Variants in KLHL29 observed in about 807,000 individuals in gnomAD.
The protein encoded by KLHL29 is kelch like family member 29.
In KLHL29, 21 loss-of-function variants were observed where a neutral mutation model predicts 80.4. That is an observed-to-expected ratio of 0.26 (90% CI 0.19 to 0.38). KLHL29 has a LOEUF of 0.38. Ranked by LOEUF, KLHL29 falls within the 10% of genes least tolerant of loss-of-function variation. The pLI is 1.00. For synonymous variants in KLHL29, 511 were observed against 526.8 expected (o/e 0.97, Z 0.41); for missense variants, 867 against 1,223.9 (o/e 0.71, Z 4.35).
At chr2:23,506,418 A>G (rs1265242272) in intron 2 of KLHL29, among the ~76,000 whole-genome samples, 1 of 152,168 alleles carries the variant, frequency 6.6e-6, no homozygotes, top group Non-Finnish European at 1.5e-5. Context: ...GCCACTGGGG[A>G]GAGAATCTCT....
intron 4 of KLHL29, among the ~76,000 whole-genome samples, chr2:23,639,563 T>A (rs1669709241): frequency 6.6e-6 from 1 of 152,180 alleles, no homozygotes; most frequent in African/African-American, 2.4e-5. Flanking sequence ...GAATCATCAT[T>A]CCCAAACCTG....
At chr2:23,577,993 C>T (rs1667885993) in intron 3 of KLHL29, among the ~76,000 whole-genome samples, 3 of 152,142 alleles carry the variant, frequency 2.0e-5, no homozygotes, top group African/African-American at 4.8e-5. Flanking sequence ...TGACCATGGC[C>T]GACCTCGTGG....
intron 2 of KLHL29, among the ~76,000 whole-genome samples, chr2:23,480,447 A>T (rs542875864): frequency 5.9e-5 from 9 of 152,118 alleles, no homozygotes; most frequent in Non-Finnish European, 1.2e-4. Flanking sequence ...AGATCGCACC[A>T]CTGCACCACT....
At chr2:23,449,413 T>C (rs533935681) in intron 1 of KLHL29, among the ~76,000 whole-genome samples, 2 of 152,282 alleles carry the variant, frequency 1.3e-5, no homozygotes, top group East Asian at 3.9e-4. Flanking sequence ...TCGCCTAGTC[T>C]ATAGGTTGGC....
chr2:23,613,763 C>CAAAAAAAAA (rs1157736706), intron 3 of KLHL29, among the ~76,000 whole-genome samples: 1,580 of 63,626 alleles, frequency 0.025, 162 homozygotes, highest in Non-Finnish European at 0.028. Context: ...GACTCCATCT[C>CAAAAAAAAA]AAAAAAAAAA....
At chr2:23,458,973 G>T (rs1664137776) in intron 1 of KLHL29, among the ~76,000 whole-genome samples, 1 of 152,214 alleles carries the variant, frequency 6.6e-6, no homozygotes, top group Admixed American at 6.5e-5. Context: ...GAGCAAGCAA[G>T]GATTCAGGAG....
In KLHL29 at chr2:23,562,543, T is replaced by G; in HGVS notation, c.285+62T>G. 4 of 1,502,640 alleles carry G rather than the reference T, an allele frequency of 2.7e-6. No homozygotes were observed. The highest frequency in any genetic ancestry group is 3.6e-6 in the Non-Finnish European group (4 of 1,123,772). The allele number at this position is 1,502,640 out of a possible 1,614,324, so 93.1% of individuals were successfully genotyped here. A position where few individuals can be genotyped will look rare whatever the true frequency, so the allele number is the denominator to read the frequency against. On this transcript the variant is annotated intron_variant, in intron 3 of 13. Coordinates refer to ENST00000486442, the MANE Select transcript of KLHL29 (RefSeq NM_052920.2). This position sits in a 1 kb window ranked among gnomAD's most constrained non-coding sequence, Gnocchi z 4.5. ...AGAGGGGCCCTGCCTCCCTGCAGGC[T>G]CAGGCCAGCCCCACAGGCTCCTGTG...
chr2:23,561,339 A>G (rs1667441608), intron 2 of KLHL29, among the ~76,000 whole-genome samples: 1 of 152,204 alleles, frequency 6.6e-6, no homozygotes, highest in Non-Finnish European at 1.5e-5. Flanking sequence ...TCCAAGTATC[A>G]TGGTGTGTCC....
intron 11 of KLHL29, among the ~76,000 whole-genome samples, chr2:23,701,658 A>G (rs951394969): frequency 1.0e-5 from 1 of 97,566 alleles, no homozygotes; most frequent in Admixed American, 1.4e-4. Flanking sequence ...GGCTGCAGTG[A>G]GCCATAATCA....
chr2:23,635,401 C>T (rs1295638326), intron 3 of KLHL29, among the ~76,000 whole-genome samples: 1 of 152,302 alleles, frequency 6.6e-6, no homozygotes, highest in Non-Finnish European at 1.5e-5. Flanking sequence ...AGCTGGTTCC[C>T]CCCAAGCTGG....
In KLHL29 at chr2:23,562,158, GCT is replaced by G; in HGVS notation, c.-36_-35del. Reference sequence around the variant, plus strand: ...CTCCACCCTGTCACCACAGGTCCGGGCTCTGTTTCCCTGTGAGAAGCCGCCTC... The same window carrying G: ...CTCCACCCTGTCACCACAGGTCCGGGCTGTTTCCCTGTGAGAAGCCGCCTC... On this transcript the variant is annotated 5_prime_UTR_variant, in exon 3 of 14. Transcript: ENST00000486442. This position sits in a 1 kb window ranked among gnomAD's most constrained non-coding sequence, Gnocchi z 4.5. 6.5e-7 allele frequency: 1 copy of G among 1,548,430 alleles called. No individual in the cohort carries two copies. The highest frequency in any genetic ancestry group is 1.2e-5 in the South Asian group (1 of 84,012).
chr2:23,705,788 A>C (rs1672680655), intron 13 of KLHL29, among the ~76,000 whole-genome samples: 1 of 152,138 alleles, frequency 6.6e-6, no homozygotes, highest in Admixed American at 6.5e-5. Flanking sequence ...GGCTAGAAAC[A>C]AGGATGTGGA....
rs1665507079 is a variant in KLHL29 at position 23,503,313 on chromosome 2, C to T, written c.-46+27646C>T. The stretch of plus-strand genomic sequence containing the variant: ...ATTCCCTTGCCTGTGTCTCGGTTGC[C>T]CCATCTGAGCGAGAGGCTGGACTAA... On this transcript the variant is annotated intron_variant, in intron 2 of 13. Transcript: ENST00000486442. This position sits in a 1 kb window ranked among gnomAD's most constrained non-coding sequence, Gnocchi z 4.0. Among the ~76,000 whole-genome samples, 2 of 152,252 alleles carry T rather than the reference C, an allele frequency of 1.3e-5. No homozygotes were observed. The highest frequency in any genetic ancestry group is 4.2e-4 in the South Asian group (2 of 4,808).
intron 5 of KLHL29, among the ~76,000 whole-genome samples, chr2:23,655,338 C>T (rs181366430): frequency 6.6e-6 from 1 of 152,322 alleles, no homozygotes; most frequent in East Asian, 1.9e-4. Context: ...GATGATACAT[C>T]TTTGAAGTTG....
chr2:23,531,907 T>G (rs1005884596), intron 2 of KLHL29, among the ~76,000 whole-genome samples: 1 of 152,206 alleles, frequency 6.6e-6, no homozygotes, highest in Non-Finnish European at 1.5e-5. Flanking sequence ...TCACCCTCTT[T>G]GACACCTGGG....
intron 3 of KLHL29, among the ~76,000 whole-genome samples, chr2:23,586,551 G>A (rs990207707): frequency 2.0e-5 from 3 of 151,880 alleles, no homozygotes; most frequent in African/African-American, 7.3e-5. Flanking sequence ...AGTAGAGATG[G>A]GGTTTCACCA....
intron 1 of KLHL29, among the ~76,000 whole-genome samples, chr2:23,454,239 C>A (rs1006106643): frequency 7.3e-5 from 11 of 151,540 alleles, no homozygotes; most frequent in Admixed American, 1.3e-4. Context: ...CCCGCCCCGG[C>A]CCCTTGAGAT....
chr2:23,606,277 T>A (rs1481914628), intron 3 of KLHL29, among the ~76,000 whole-genome samples: 9 of 151,426 alleles, frequency 5.9e-5, no homozygotes, highest in African/African-American at 1.2e-4. Flanking sequence ...TCCAGAACGT[T>A]CCCGGGCCTT....
At chr2:23,664,343 A>G (rs1036759799) in intron 5 of KLHL29, among the ~76,000 whole-genome samples, 4 of 152,228 alleles carry the variant, frequency 2.6e-5, no homozygotes, top group African/African-American at 9.6e-5. Context: ...TCTCAGTGCC[A>G]GGATTTTAGG....
Sources: allele counts gnomAD v4.1 joint callset (sites outside exome capture counted in the v4.1 genomes callset), GRCh38; gene constraint gnomAD v4.1.1; non-coding constraint Gnocchi (gnomAD v3.1); transcripts MANE v1.5; gene names NCBI Gene and HGNC (gene_info 2026-07-23, HGNC 2026-07-21).